The following CARMIL1 variants were observed in gnomAD, a reference collection of about 807,000 sequenced individuals.
CARMIL1 encodes capping protein regulator and myosin 1 linker 1, also known as F-actin-uncapping protein LRRC16A.
CARMIL1 carries 90 observed loss-of-function variants against 177.1 expected under a neutral mutation model. The ratio of observed to expected loss-of-function variants is 0.51; its 90% CI spans 0.43 to 0.61. The LOEUF is 0.61. Among genes scored for constraint, CARMIL1 ranks in the 20% least tolerant of loss-of-function variants. CARMIL1 has a pLI of 0.00. For synonymous variants in CARMIL1, 577 were observed against 606.2 expected (o/e 0.95, Z 0.71); for missense variants, 1,380 against 1,667.0 (o/e 0.83, Z 3.00).
At chr6:25,493,186 G>C (rs1803394267) in intron 15 of CARMIL1, among the ~76,000 whole-genome samples, 1 of 152,202 alleles carries the variant, frequency 6.6e-6, no homozygotes, top group Non-Finnish European at 1.5e-5. Context: ...TGTGAATTCT[G>C]TGATGACTGG....
chr6:25,337,466 T>A (rs759198922), intron 2 of CARMIL1, among the ~76,000 whole-genome samples: 3 of 152,228 alleles, frequency 2.0e-5, no homozygotes, highest in Non-Finnish European at 4.4e-5. Context: ...GGGAGAAATA[T>A]GAAATCTAGA....
At chr6:25,544,645 A>ACACACACC (rs1554221082) in intron 26 of CARMIL1, among the ~76,000 whole-genome samples, 14 of 138,992 alleles carry the variant, frequency 1.0e-4, no homozygotes, top group African/African-American at 2.2e-4. Flanking sequence ...ACACACACAC[A>ACACACACC]CCCCAAACAC....
chr6:25,453,479 T>C (rs1799193330), intron 8 of CARMIL1, among the ~76,000 whole-genome samples: 3 of 152,212 alleles, frequency 2.0e-5, no homozygotes, highest in African/African-American at 7.2e-5. Context: ...AGGAACATAC[T>C]TCCCATTTTG....
chr6:25,569,090 T>C (rs1196789570), intron 29 of CARMIL1, among the ~76,000 whole-genome samples: 7 of 152,220 alleles, frequency 4.6e-5, no homozygotes, highest in African/African-American at 1.4e-4. Context: ...GCAAATAATA[T>C]TGCATATTTT....
intron 26 of CARMIL1, among the ~76,000 whole-genome samples, chr6:25,542,106 T>G (rs1042417874): frequency 6.6e-6 from 1 of 152,260 alleles, no homozygotes; most frequent in African/African-American, 2.4e-5. Flanking sequence ...TATTCCATAC[T>G]GAAAATTGGC....
chr6:25,453,006 A>G (rs1420870270), intron 8 of CARMIL1, among the ~76,000 whole-genome samples: 3 of 152,228 alleles, frequency 2.0e-5, no homozygotes, highest in Admixed American at 1.3e-4. Context: ...GGTCTTATCC[A>G]TACATAATTT....
intron 2 of CARMIL1, among the ~76,000 whole-genome samples, chr6:25,415,730 C>T (rs562257115): frequency 4.3e-4 from 65 of 152,218 alleles, no homozygotes; most frequent in South Asian, 1.7e-3. Context: ...ACTTTGTTCA[C>T]GTTTTTCTGT....
chr6:25,601,147 T>C (rs189411109), intron 33 of CARMIL1, among the ~76,000 whole-genome samples: 120 of 152,332 alleles, frequency 7.9e-4, no homozygotes, highest in African/African-American at 2.0e-3. Flanking sequence ...GCTGGGTTTA[T>C]TTGGGTGAGA....
intron 17 of CARMIL1, among the ~76,000 whole-genome samples, chr6:25,501,349 G>A (rs1446815650): frequency 6.6e-6 from 1 of 152,034 alleles, no homozygotes; most frequent in African/African-American, 2.4e-5. Flanking sequence ...TCAACATGCA[G>A]TCTCCTGCAT....
chr6:25,549,615 T>A (rs1329052208), intron 26 of CARMIL1, among the ~76,000 whole-genome samples: 5 of 152,196 alleles, frequency 3.3e-5, no homozygotes, highest in Non-Finnish European at 5.9e-5. Context: ...GTTTTCCACA[T>A]TATCCTTGTA....
chr6:25,343,661 C>T (rs530318252), intron 2 of CARMIL1, among the ~76,000 whole-genome samples: 22 of 152,318 alleles, frequency 1.4e-4, no homozygotes, highest in African/African-American at 5.3e-4. Context: ...CTGCTTCCCT[C>T]CCCTAGGGAA....
intron 26 of CARMIL1, among the ~76,000 whole-genome samples, chr6:25,546,131 TG>T (rs1051666029): frequency 1.2e-4 from 18 of 152,306 alleles, no homozygotes; most frequent in Non-Finnish European, 2.4e-4. Flanking sequence ...TCCAATTTTT[TG>T]TAGGTCTACT....
chr6:25,472,703 C>G, intron 11 of CARMIL1, 182 bp downstream of exon 11: 1 of 557,832 alleles, frequency 1.8e-6, no homozygotes, highest in East Asian at 2.9e-5. Flanking sequence ...ATTGTATGAT[C>G]TGCTTCACCT....
At chr6:25,385,773 A>G (rs1388776770) in intron 2 of CARMIL1, among the ~76,000 whole-genome samples, 1 of 152,182 alleles carries the variant, frequency 6.6e-6, no homozygotes, top group Non-Finnish European at 1.5e-5. Context: ...GTAAGGCTTC[A>G]CTTTCAGCTC....
chr6:25,441,331 A>ATGTGTG (rs1296177997), intron 5 of CARMIL1, among the ~76,000 whole-genome samples: 39 of 43,228 alleles, frequency 9.0e-4, no homozygotes, highest in African/African-American at 1.8e-3. Context: ...ATATATATAT[A>ATGTGTG]TATATATGTG....
At chr6:25,311,999 T>G (rs1783858397) in intron 2 of CARMIL1, among the ~76,000 whole-genome samples, 1 of 152,248 alleles carries the variant, frequency 6.6e-6, no homozygotes, top group Non-Finnish European at 1.5e-5. Context: ...TTGCTAGGTC[T>G]TGTGGGAGGC....
At chr6:25,423,228 A>T (rs1796002596) in intron 3 of CARMIL1, among the ~76,000 whole-genome samples, 2 of 152,208 alleles carry the variant, frequency 1.3e-5, no homozygotes, top group African/African-American at 4.8e-5. Context: ...TTGTCATTTT[A>T]TTGTGAAATA....
intron 2 of CARMIL1, among the ~76,000 whole-genome samples, chr6:25,330,493 G>A (rs945461394): frequency 2.0e-5 from 3 of 152,166 alleles, no homozygotes; most frequent in African/African-American, 7.2e-5. Context: ...CAGAACTGGA[G>A]GCTGGGAGAC....
At chr6:25,396,026 TG>T (rs1462950519) in intron 2 of CARMIL1, among the ~76,000 whole-genome samples, 2 of 152,162 alleles carry the variant, frequency 1.3e-5, no homozygotes, top group African/African-American at 4.8e-5. Context: ...CACTGAAGGG[TG>T]GCACTCAAGC....
Sources: gnomAD v4.1 joint callset for allele counts (sites outside exome capture counted in the v4.1 genomes callset) on GRCh38, gnomAD v4.1.1 for gene constraint, MANE v1.5 for transcripts, NCBI Gene and HGNC (gene_info 2026-07-23, HGNC 2026-07-21) for gene names.